Variants in CADM2 observed in about 807,000 individuals in gnomAD.
The protein encoded by CADM2 is cell adhesion molecule 2, also known as immunoglobulin superfamily member 4D.
CADM2 carries 12 observed loss-of-function variants against 49.8 expected under a neutral mutation model. The ratio of observed to expected loss-of-function variants is 0.24; its 90% CI spans 0.15 to 0.39. The LOEUF is 0.39. Among genes scored for constraint, CADM2 ranks in the 10% least tolerant of loss-of-function variants. The pLI is 1.00. For missense variants in CADM2, 378 were observed against 492.3 expected (o/e 0.77, Z 2.20); for synonymous variants, 214 against 175.4 (o/e 1.22, Z -1.74).
intron 1 of CADM2, among the ~76,000 whole-genome samples, chr3:85,238,776 C>G (rs939311571): frequency 6.6e-5 from 10 of 151,626 alleles, no homozygotes; most frequent in Admixed American, 4.6e-4. Flanking sequence ...TGTAAAATCC[C>G]CAAATACAAT....
chr3:85,642,140 G>A (rs2064737919), intron 1 of CADM2, among the ~76,000 whole-genome samples: 1 of 152,126 alleles, frequency 6.6e-6, no homozygotes, highest in South Asian at 2.1e-4. Context: ...CTGCAGAGAT[G>A]TGTGGAAAGT....
chr3:85,600,854 T>C (rs9866322), intron 1 of CADM2, among the ~76,000 whole-genome samples: 25,438 of 151,020 alleles, frequency 0.17, 2,659 homozygotes, highest in Non-Finnish European at 0.23. Flanking sequence ...ACCAATTCAA[T>C]TTACTTGTAA....
intron 1 of CADM2, among the ~76,000 whole-genome samples, chr3:85,254,755 A>T (rs1315107851): frequency 6.6e-6 from 1 of 152,116 alleles, no homozygotes. Context: ...GAGGAGGAAC[A>T]CAAGAAGGTT....
At chr3:85,776,128 G>A (rs1429746791) in intron 2 of CADM2, among the ~76,000 whole-genome samples, 8 of 151,560 alleles carry the variant, frequency 5.3e-5, no homozygotes, top group Admixed American at 5.3e-4. Flanking sequence ...TTTCATTATT[G>A]TTATACTAGT....
chr3:85,388,749 TAAAAC>T (rs1233375493), intron 1 of CADM2, among the ~76,000 whole-genome samples: 1 of 151,780 alleles, frequency 6.6e-6, no homozygotes, highest in Non-Finnish European at 1.5e-5. Flanking sequence ...AACCATCAAT[TAAAAC>T]AAAATTGACA....
At chr3:85,395,457 T>A (rs1437449442) in intron 1 of CADM2, among the ~76,000 whole-genome samples, 2 of 152,036 alleles carry the variant, frequency 1.3e-5, no homozygotes, top group East Asian at 3.8e-4. Flanking sequence ...CAGAAAAAAA[T>A]TTATTGAAAC....
At position 85,425,547 on chromosome 3, in the gene CADM2, A is replaced by C. The variant is rs544627450; in HGVS notation, c.62-300975A>C. 3.3e-5 allele frequency among the ~76,000 whole-genome samples: 5 copies of C among 152,286 alleles called. No homozygotes were observed. The South Asian group carries it at 1.0e-3, about 32-fold the overall frequency. On this transcript the variant is annotated intron_variant, in intron 1 of 9. Transcript: ENST00000383699. ...TTTATCTTTTTGAAAGTACACAATA[A>C]ATTATTTTTAAATATATTCTCGCTA... is the stretch of plus-strand genomic sequence containing the variant.
intron 1 of CADM2, among the ~76,000 whole-genome samples, chr3:85,539,792 A>G (rs914344176): frequency 2.0e-5 from 3 of 152,112 alleles, no homozygotes; most frequent in Non-Finnish European, 2.9e-5. Flanking sequence ...TTTCTAACAT[A>G]GGGGAAATGG....
At chr3:85,685,603 TTTTC>T (rs1301231984) in intron 1 of CADM2, among the ~76,000 whole-genome samples, 5 of 150,990 alleles carry the variant, frequency 3.3e-5, no homozygotes, top group South Asian at 2.1e-4. Context: ...AATTGAAACA[TTTTC>T]TTTCTTTCTT....
At chr3:85,930,886 T>C (rs1429974665) in intron 6 of CADM2, among the ~76,000 whole-genome samples, 2 of 149,940 alleles carry the variant, frequency 1.3e-5, no homozygotes, top group African/African-American at 4.9e-5. Flanking sequence ...TTAAGATTAA[T>C]TATATGTTAA....
chr3:85,125,669 T>C (rs1370927956), intron 1 of CADM2, among the ~76,000 whole-genome samples: 2 of 152,198 alleles, frequency 1.3e-5, no homozygotes, highest in Non-Finnish European at 2.9e-5. Flanking sequence ...AGCCTACTCT[T>C]GGGGACTCTT....
At chr3:85,052,735 T>G (rs1166149199) in intron 1 of CADM2, among the ~76,000 whole-genome samples, 1 of 152,104 alleles carries the variant, frequency 6.6e-6, no homozygotes, top group Non-Finnish European at 1.5e-5. Context: ...CTTGTAATTT[T>G]AAAACCATTC....
chr3:85,149,659 G>A (rs2039861638), intron 1 of CADM2, among the ~76,000 whole-genome samples: 1 of 152,164 alleles, frequency 6.6e-6, no homozygotes, highest in Non-Finnish European at 1.5e-5. Context: ...AAGGCGTGGT[G>A]GAGCTTGCAG....
At chr3:85,941,298 C>T (rs2108554092) in intron 7 of CADM2, among the ~76,000 whole-genome samples, 1 of 152,142 alleles carries the variant, frequency 6.6e-6, no homozygotes, top group South Asian at 2.1e-4. Flanking sequence ...GCTATTATGG[C>T]AACTCTGACA....
intron 8 of CADM2, among the ~76,000 whole-genome samples, chr3:85,975,318 A>T (rs1279305106): frequency 1.3e-5 from 2 of 151,392 alleles, no homozygotes; most frequent in African/African-American, 4.8e-5. Flanking sequence ...GTCATTACAC[A>T]TTCCTATATA....
intron 1 of CADM2, among the ~76,000 whole-genome samples, chr3:85,418,147 T>G (rs964762635): frequency 6.6e-6 from 1 of 152,120 alleles, no homozygotes; most frequent in Non-Finnish European, 1.5e-5. Context: ...TAATATAAAT[T>G]AAAATTATGC....
At position 85,815,019 on chromosome 3, in the gene CADM2, A is replaced by G; in HGVS notation, c.238+12823A>G. On this transcript the variant is annotated intron_variant, in intron 3 of 9. Coordinates refer to ENST00000383699, the MANE Select transcript of CADM2 (RefSeq NM_001167675.2). The stretch of plus-strand genomic sequence containing the variant: ...AGGAGAAATCGATAAATTCCTGGAC[A>G]CATACACCCTCCCAAGTCTAAACCA... Among the ~76,000 whole-genome samples, 3 of 152,240 alleles carry G rather than the reference A, an allele frequency of 2.0e-5. No homozygotes were observed. The Middle Eastern group carries it at 0.01, about 518-fold the overall frequency.
At chr3:85,855,908 G>A (rs1013934089) in intron 3 of CADM2, among the ~76,000 whole-genome samples, 2 of 151,976 alleles carry the variant, frequency 1.3e-5, no homozygotes, top group East Asian at 1.9e-4. Context: ...TTACAGGCGT[G>A]AGCCACCATG....
chr3:85,110,037 A>G (rs571779033), intron 1 of CADM2, among the ~76,000 whole-genome samples: 2 of 152,106 alleles, frequency 1.3e-5, no homozygotes, highest in African/African-American at 4.8e-5. Context: ...TATCTGGTTT[A>G]GGAGACACTT....
Sources: allele counts gnomAD v4.1 joint callset (sites outside exome capture counted in the v4.1 genomes callset), GRCh38; gene constraint gnomAD v4.1.1; transcripts MANE v1.5; gene names NCBI Gene and HGNC (gene_info 2026-07-23, HGNC 2026-07-21).